OSBPL1A: variants seen among roughly 807,000 people sequenced by gnomAD.
OSBPL1A encodes the protein oxysterol binding protein like 1A.
OSBPL1A carries 80 observed loss-of-function variants against 137.1 expected under a neutral mutation model. The observed-to-expected ratio is 0.58, with a 90% CI of 0.49 to 0.70. OSBPL1A has a LOEUF of 0.70. OSBPL1A is among the 30% of genes least tolerant of loss of function. The pLI is 0.00. For synonymous variants in OSBPL1A, 365 were observed against 389.7 expected, an observed-to-expected ratio of 0.94 and a Z score of 0.75; for missense variants, 970 against 1,129.4, an observed-to-expected ratio of 0.86 and a Z score of 2.02.
chr18:24,229,771 G>A (rs552297333), intron 16 of OSBPL1A, among the ~76,000 whole-genome samples: 2 of 150,506 alleles, frequency 1.3e-5, no homozygotes, highest in African/African-American at 4.9e-5. Context: ...TTTTTTTTGA[G>A]ACGAAGCCTC....
At chr18:24,382,111 A>G (rs1035300763) in intron 1 of OSBPL1A, among the ~76,000 whole-genome samples, 16 of 151,724 alleles carry the variant, frequency 1.1e-4, no homozygotes, top group African/African-American at 3.6e-4. Context: ...AAAATCAGCT[A>G]GGCATGAGGC....
intron 7 of OSBPL1A, among the ~76,000 whole-genome samples, chr18:24,330,600 T>A (rs796339329): frequency 4.0e-5 from 6 of 151,802 alleles, no homozygotes; most frequent in African/African-American, 1.5e-4. Context: ...TTCTCCTGCC[T>A]CAGCCTCCTG....
intron 18 of OSBPL1A, among the ~76,000 whole-genome samples, chr18:24,188,667 G>C (rs899111922): frequency 1.3e-5 from 2 of 152,176 alleles, no homozygotes; most frequent in African/African-American, 2.4e-5. Flanking sequence ...CCTGGACCTT[G>C]GAAGAGTGTA....
chr18:24,292,410 T>C (rs2090191090), intron 14 of OSBPL1A, among the ~76,000 whole-genome samples: 1 of 152,240 alleles, frequency 6.6e-6, no homozygotes, highest in South Asian at 2.1e-4. Context: ...GTACACTCGT[T>C]AAATTTACTA....
chr18:24,206,083 GT>G (rs2087366442), intron 17 of OSBPL1A, among the ~76,000 whole-genome samples: 1 of 152,190 alleles, frequency 6.6e-6, no homozygotes, highest in African/African-American at 2.4e-5. Context: ...TAGAGATGGG[GT>G]TGCACCATGT....
chr18:24,383,510 C>G (rs1272411825), intron 1 of OSBPL1A, among the ~76,000 whole-genome samples: 2 of 152,228 alleles, frequency 1.3e-5, no homozygotes, highest in African/African-American at 4.8e-5. Flanking sequence ...GTAATCCCAG[C>G]ACTTTGGGAG....
At chr18:24,332,385 CA>C (rs71163675) in intron 7 of OSBPL1A, among the ~76,000 whole-genome samples, 1,579 of 52,798 alleles carry the variant, frequency 0.03, no homozygotes, top group African/African-American at 0.063. Context: ...GACTCTGTCT[CA>C]AAAAAAAAAA....
chr18:24,221,312 T>C (rs1380373459), intron 17 of OSBPL1A, among the ~76,000 whole-genome samples: 1 of 152,184 alleles, frequency 6.6e-6, no homozygotes, highest in Non-Finnish European at 1.5e-5. Flanking sequence ...TCCTCTTTCC[T>C]GCGGCTAAGA....
chr18:24,235,438 A>G (rs2088438187), intron 16 of OSBPL1A, among the ~76,000 whole-genome samples: 1 of 152,262 alleles, frequency 6.6e-6, no homozygotes, highest in Non-Finnish European at 1.5e-5. Flanking sequence ...GCTTTGACTA[A>G]GCAAGAGCCT....
chr18:24,326,623 C>T (rs1432539190), intron 7 of OSBPL1A, among the ~76,000 whole-genome samples: 1 of 152,072 alleles, frequency 6.6e-6, no homozygotes, highest in African/African-American at 2.4e-5. Flanking sequence ...GAGACAGACA[C>T]ACAAGGCAGC....
Position 24,167,340 on chromosome 18 carries a change from T to G in OSBPL1A, c.2524A>C (p.Asn842His). ...AAGCCCAGTCTCACCTGGGCAGAAT[T>G]TGGAGGCCGTGGGGCTATTCGCCAT... ...LLWRIAPRPP[N>H]SAQMYNFTSF... The change falls in exon 25 of 28, where the codon AAT (asparagine) becomes CAT (histidine). Residue 842 changes from asparagine to histidine, a missense_variant. Transcript: ENST00000319481. 6.2e-7 allele frequency: 1 copy of G among 1,614,116 alleles called. No individual in the cohort carries two copies. The highest frequency in any genetic ancestry group is 1.1e-5 in the South Asian group (1 of 91,080).
rs2086924957 is a variant in OSBPL1A at position 24,192,853 on chromosome 18, A to G, written c.1677+3272T>C. Reference sequence around the variant, plus strand: ...AATAATAGCATTACACCATAAAATGATATCATCATAGCATACAAATCTGGG... The same window carrying G: ...AATAATAGCATTACACCATAAAATGGTATCATCATAGCATACAAATCTGGG... On this transcript the variant is annotated intron_variant, in intron 18 of 27. Transcript: ENST00000319481. 2.0e-5 allele frequency among the ~76,000 whole-genome samples: 3 copies of G among 152,348 alleles called. No individual in the cohort carries two copies. The South Asian group carries it at 6.2e-4, about 32-fold the overall frequency.
chr18:24,360,053 C>T (rs914295687), intron 4 of OSBPL1A, among the ~76,000 whole-genome samples: 15 of 152,086 alleles, frequency 9.9e-5, no homozygotes, highest in African/African-American at 2.9e-4. Flanking sequence ...CTGCAACCTC[C>T]GCCTCCCAGG....
chr18:24,248,831 T>C (rs549557641), intron 15 of OSBPL1A, among the ~76,000 whole-genome samples: 10 of 152,228 alleles, frequency 6.6e-5, no homozygotes, highest in Non-Finnish European at 1.2e-4. Flanking sequence ...CCCAGAATAT[T>C]TGACACTTAT....
At chr18:24,396,806 G>A (rs1420334421) in intron 1 of OSBPL1A, among the ~76,000 whole-genome samples, 2 of 152,132 alleles carry the variant, frequency 1.3e-5, no homozygotes, top group Admixed American at 6.5e-5. Context: ...TTATTTCCCA[G>A]ATGCTGAGTA....
chr18:24,170,933 C>T (rs1482389585), intron 23 of OSBPL1A, among the ~76,000 whole-genome samples: 3 of 111,998 alleles, frequency 2.7e-5, no homozygotes, highest in Middle Eastern at 4.4e-3. Flanking sequence ...CAGGCGTGAG[C>T]CACTGTGCTC....
chr18:24,163,246 G>A lies in OSBPL1A; in HGVS notation c.2786C>T (p.Ala929Val). 6.2e-7 allele frequency: 1 copy of A among 1,613,366 alleles called. No homozygotes were observed. Among genetic ancestry groups the A allele is most frequent in the Non-Finnish European group, 8.5e-7 (1 of 1,179,610 alleles). The change falls in exon 28 of 28, where the codon GCA becomes GTA. Residue 929 changes from alanine (A) to valine (V), a missense_variant. This residue lies in a region of OSBPL1A where 323 missense variants were observed against 456.8 expected (regional missense o/e 0.71). Transcript: ENST00000319481. ...FHQGPNPYNG[A>V]QDWIYSGSYW... ...GCTGCCAGAGTAAATCCAGTCCTGT[G>A]CTCCATTGTAGGGATTAGGACCTTG...
At chr18:24,356,928 T>G (rs543522593) in intron 4 of OSBPL1A, among the ~76,000 whole-genome samples, 14 of 152,122 alleles carry the variant, frequency 9.2e-5, no homozygotes, top group Non-Finnish European at 1.8e-4. Context: ...CTCAGGTACA[T>G]GGTAAGCAGC....
At chr18:24,242,627 T>C (rs192583025) in intron 15 of OSBPL1A, among the ~76,000 whole-genome samples, 228 of 152,290 alleles carry the variant, frequency 1.5e-3, no homozygotes, top group African/African-American at 5.0e-3. Context: ...AGATACAGTT[T>C]TACTGAAATG....
Sources: allele counts gnomAD v4.1 joint callset (sites outside exome capture counted in the v4.1 genomes callset), GRCh38; gene constraint gnomAD v4.1.1; regional missense constraint gnomAD v4.1.1; transcripts MANE v1.5; gene names NCBI Gene and HGNC (gene_info 2026-07-23, HGNC 2026-07-21).